COL27A1: variants seen among roughly 807,000 people sequenced by gnomAD.
COL27A1 encodes collagen alpha-1(XXVII) chain.
COL27A1 carries 106 observed loss-of-function variants against 251.3 expected under a neutral mutation model. The ratio of observed to expected loss-of-function variants is 0.42; its 90% CI spans 0.36 to 0.50. COL27A1 has a LOEUF of 0.50. Ranked by LOEUF, COL27A1 falls within the 20% of genes least tolerant of loss-of-function variation. The probability of loss-of-function intolerance (pLI) is 0.00; values close to 1 mark genes in which losing one functional copy is unlikely to be tolerated. For missense variants in COL27A1, 2,325 were observed against 2,522.8 expected (o/e 0.92, Z 1.68); for synonymous variants, 1,000 against 986.3 (o/e 1.01, Z -0.26).
At chr9:114,258,893 C>T (rs1480399193) in intron 28 of COL27A1, among the ~76,000 whole-genome samples, 2 of 152,226 alleles carry the variant, frequency 1.3e-5, no homozygotes, top group African/African-American at 2.4e-5. Flanking sequence ...TACTGTCTGG[C>T]GGACACTGTT....
chr9:114,179,569 G>A (rs1448249792), intron 4 of COL27A1, among the ~76,000 whole-genome samples: 2 of 152,162 alleles, frequency 1.3e-5, no homozygotes, highest in South Asian at 2.1e-4. Flanking sequence ...TGGAACTCCC[G>A]CAGTGGTTCC....
Position 114,168,310 on chromosome 9 carries a change from A to G in COL27A1, c.755A>G (p.Gln252Arg). 1 of 1,613,360 alleles carries G rather than the reference A, an allele frequency of 6.2e-7. No individual in the cohort carries two copies. Among genetic ancestry groups the G allele is most frequent in the South Asian group, 1.1e-5 (1 of 91,076 alleles). The change falls in exon 3 of 61, where the codon CAA (glutamine) becomes CGA (arginine). Residue 252 changes from glutamine (Q) to arginine (R), a missense_variant. Physicochemically the swap from Gln to Arg is conservative, Grantham distance 43. Around this residue, in one of 4 missense-constraint regions of COL27A1, gnomAD observed 1,183 missense variants for 1,144.1 expected, o/e 1.03. Transcript: ENST00000356083. ...TCCCCACTGGGACCTCTCTTCTCCC[A>G]AGACTCTGGCAGACCTTTTACCTTC... ...YQSPLGPLFS[Q>R]DSGRPFTFQS...
At position 114,300,623 on chromosome 9, in the gene COL27A1, A is replaced by G; in HGVS notation, c.4639-2A>G. On this transcript the variant is annotated splice_acceptor_variant, in intron 50 of 60. Transcript: ENST00000356083. LOFTEE classifies it high-confidence loss of function. ...AGACAGCCCTTTCTCTGCCTCCCACAGGGCCCGCCTGGAGACATTGGCTTC... is the reference window on the plus strand; with the variant it reads ...AGACAGCCCTTTCTCTGCCTCCCACGGGGCCCGCCTGGAGACATTGGCTTC... 1 of 1,534,666 alleles carries G rather than the reference A, an allele frequency of 6.5e-7. No homozygotes were observed. The highest frequency in any genetic ancestry group is 8.7e-7 in the Non-Finnish European group (1 of 1,143,206).
At chr9:114,276,384 T>C (rs867074350) in intron 37 of COL27A1, among the ~76,000 whole-genome samples, 10 of 152,192 alleles carry the variant, frequency 6.6e-5, no homozygotes. Flanking sequence ...GGCGGGTGGA[T>C]CACTTGAGGT....
intron 57 of COL27A1, among the ~76,000 whole-genome samples, chr9:114,304,901 C>T (rs1828922930): frequency 2.0e-5 from 3 of 152,162 alleles, no homozygotes; most frequent in Non-Finnish European, 4.4e-5. Flanking sequence ...AGAAACAGGC[C>T]CTGAACCCTT....
intron 31 of COL27A1, 131 bp downstream of exon 31, chr9:114,265,241 C>T: frequency 8.9e-7 from 1 of 1,128,564 alleles, no homozygotes. Context: ...GTTCTGGTTG[C>T]CCACCTGCCC....
intron 59 of COL27A1, among the ~76,000 whole-genome samples, chr9:114,308,372 G>A (rs1007836684): frequency 5.3e-5 from 8 of 152,200 alleles, no homozygotes; most frequent in South Asian, 2.1e-4. Context: ...AAGCTGCTCC[G>A]ACTGCGGGGG....
At chr9:114,183,446 A>C (rs1378905044) in intron 5 of COL27A1, among the ~76,000 whole-genome samples, 1 of 152,182 alleles carries the variant, frequency 6.6e-6, no homozygotes, top group African/African-American at 2.4e-5. Context: ...CGTTTTAGAA[A>C]GCTCACTGGA....
chr9:114,234,749 G>A (rs1180943739), intron 16 of COL27A1, among the ~76,000 whole-genome samples: 1 of 152,094 alleles, frequency 6.6e-6, no homozygotes, highest in African/African-American at 2.4e-5. Flanking sequence ...CAGGAAATCT[G>A]ATTTCCCATG....
At chr9:114,300,579 C>G (rs112126118) in intron 50 of COL27A1, 46 bp from the exon 51 acceptor site, 1 of 1,492,732 alleles carries the variant, frequency 6.7e-7, no homozygotes, top group South Asian at 1.3e-5. Context: ...GGGCCCTTTA[C>G]CCAGTGGCTG....
At position 114,206,287 on chromosome 9, in the gene COL27A1, A is replaced by G; in HGVS notation, c.2259A>G (p.Lys753=). 1 of 1,614,122 alleles carries G rather than the reference A, an allele frequency of 6.2e-7. No individual in the cohort carries two copies. The change falls in exon 10 of 61, where the codon AAA becomes AAG. Residue 753 remains lysine, a synonymous_variant. Coordinates refer to ENST00000356083, the MANE Select transcript of COL27A1 (RefSeq NM_032888.4). ...GACCGGTAGGAGATCCCGGCCCCAA[A>G]GGCAGCAGGGTAAGTGGTTCCTGGC... The part of the protein sequence containing the change: ...LPGPVGDPGP[K]GSRGYIGLPG...
At chr9:114,182,888 C>A in intron 4 of COL27A1, 134 bp from the exon 5 acceptor site, 1 of 766,630 alleles carries the variant, frequency 1.3e-6, no homozygotes, top group Non-Finnish European at 2.2e-6. Flanking sequence ...GTGGCCACGA[C>A]AGTGTTGCTA....
chr9:114,242,351 CAG>C (rs1832818759), intron 22 of COL27A1, 120 bp downstream of exon 22: 2 of 815,346 alleles, frequency 2.5e-6, no homozygotes, highest in Admixed American at 3.2e-5. Flanking sequence ...TTGGACCAGC[CAG>C]AGAGAGAACT....
chr9:114,301,053 G>T lies in COL27A1; in HGVS notation c.4702-19G>T, dbSNP rs1564586842. 6.3e-7 allele frequency: 1 copy of T among 1,593,496 alleles called. No homozygotes were observed. The highest frequency in any genetic ancestry group is 8.5e-7 in the Non-Finnish European group (1 of 1,169,940). Reference sequence around the variant, plus strand: ...CAGGCCCTGGAACAAGGACACATGAGCCTTTCTGTCTCCTTTAGGGAAAGG... The same window carrying T: ...CAGGCCCTGGAACAAGGACACATGATCCTTTCTGTCTCCTTTAGGGAAAGG... On this transcript the variant is annotated intron_variant, in intron 51 of 60. Coordinates refer to ENST00000356083, the MANE Select transcript of COL27A1 (RefSeq NM_032888.4).
intron 27 of COL27A1, among the ~76,000 whole-genome samples, chr9:114,255,577 GA>G (rs1319877958): frequency 9.2e-5 from 14 of 152,164 alleles, no homozygotes; most frequent in African/African-American, 3.1e-4. Context: ...AGCCTCCTCT[GA>G]ATCCCTTGCC....
intron 3 of COL27A1, among the ~76,000 whole-genome samples, chr9:114,176,209 G>GC (rs1017388909): frequency 3.9e-5 from 6 of 152,256 alleles, no homozygotes; most frequent in Admixed American, 1.3e-4. Flanking sequence ...CTTCGTCTCA[G>GC]CCCCCTGCTT....
intron 10 of COL27A1, among the ~76,000 whole-genome samples, chr9:114,206,562 C>A (rs932144137): frequency 6.6e-6 from 1 of 152,214 alleles, no homozygotes; most frequent in Non-Finnish European, 1.5e-5. Context: ...AACAGCTAGG[C>A]ATTTGTTTGC....
At chr9:114,190,938 A>G (rs1199426463) in intron 5 of COL27A1, among the ~76,000 whole-genome samples, 1 of 152,172 alleles carries the variant, frequency 6.6e-6, no homozygotes, top group Non-Finnish European at 1.5e-5. Context: ...TATATTTCTT[A>G]TTGGAAGATT....
chr9:114,157,392 C>T (rs1848196211), intron 1 of COL27A1, among the ~76,000 whole-genome samples: 1 of 152,166 alleles, frequency 6.6e-6, no homozygotes, highest in African/African-American at 2.4e-5. Flanking sequence ...GCCTCTGCTC[C>T]TGGACCCTTC....
Sources: gnomAD v4.1 joint callset for allele counts (sites outside exome capture counted in the v4.1 genomes callset) on GRCh38, gnomAD v4.1.1 for gene constraint, gnomAD v4.1.1 regional missense constraint, MANE v1.5 for transcripts, NCBI Gene and HGNC (gene_info 2026-07-23, HGNC 2026-07-21) for gene names.